The following NELL1 variants were observed in gnomAD, a reference collection of about 807,000 sequenced individuals.
NELL1 encodes the protein protein kinase C-binding protein NELL1.
Under a neutral mutation model 107.4 loss-of-function variants are expected in NELL1, and 76 were observed. The ratio of observed to expected loss-of-function variants is 0.71; its 90% CI spans 0.59 to 0.86. The LOEUF (loss-of-function observed/expected upper bound fraction) is 0.86, where lower values mean the gene tolerates loss of function less well. NELL1 is among the 40% of genes least tolerant of loss of function. The pLI, the probability that NELL1 is intolerant of heterozygous loss-of-function variation, is 0.00. For synonymous variants in NELL1, 353 were observed against 341.2 expected (o/e 1.03, Z -0.38); for missense variants, 1,024 against 1,005.5 (o/e 1.02, Z -0.25).
At chr11:20,831,069 G>A (rs1027868036) in intron 3 of NELL1, among the ~76,000 whole-genome samples, 5 of 152,126 alleles carry the variant, frequency 3.3e-5, no homozygotes, top group East Asian at 3.9e-4. Flanking sequence ...GAAAGTTTGC[G>A]TCACTGTTTC....
intron 12 of NELL1, among the ~76,000 whole-genome samples, chr11:20,962,220 A>G (rs915765302): frequency 1.3e-5 from 2 of 151,946 alleles, no homozygotes; most frequent in African/African-American, 4.8e-5. Flanking sequence ...CAATTTCAAT[A>G]CTTCATATTA....
intron 16 of NELL1, among the ~76,000 whole-genome samples, chr11:21,558,302 AT>A (rs1287680380): frequency 1.1e-4 from 16 of 151,924 alleles, no homozygotes; most frequent in African/African-American, 2.9e-4. Flanking sequence ...TTAAAAAAAA[AT>A]CAGTTGACAA....
chr11:20,779,511 C>G (rs1261464689), intron 2 of NELL1, among the ~76,000 whole-genome samples: 2 of 152,178 alleles, frequency 1.3e-5, no homozygotes, highest in East Asian at 3.9e-4. Flanking sequence ...ACAGCAAATA[C>G]ATACTGTAGT....
chr11:21,312,074 A>G (rs1849761865), intron 14 of NELL1, among the ~76,000 whole-genome samples: 1 of 152,074 alleles, frequency 6.6e-6, no homozygotes, highest in South Asian at 2.1e-4. Flanking sequence ...ATCTGCCAGC[A>G]CCTTGATTTT....
Position 21,224,428 on chromosome 11 carries a change from A to G in NELL1, c.1427-4904A>G, listed in dbSNP as rs537786102. ...TTTTTGGTAGATATGGCACATCACC[A>G]TCTTCCTCACTCTGGTCTCAAACTC... is the stretch of plus-strand genomic sequence containing the variant. On this transcript the variant is annotated intron_variant, in intron 13 of 19. Coordinates refer to ENST00000357134, the MANE Select transcript of NELL1 (RefSeq NM_006157.5). 1.7e-4 allele frequency among the ~76,000 whole-genome samples: 26 copies of G among 149,576 alleles called. No individual in the cohort carries two copies. The East Asian group carries it at 3.6e-3, about 21-fold the overall frequency.
intron 5 of NELL1, among the ~76,000 whole-genome samples, chr11:20,895,425 GCTCT>G (rs1465368384): frequency 3.4e-5 from 5 of 146,016 alleles, no homozygotes; most frequent in Admixed American, 6.9e-5. Context: ...CTGTCTTTCC[GCTCT>G]CTATCTTTCC....
intron 15 of NELL1, among the ~76,000 whole-genome samples, chr11:21,445,207 C>T (rs1488051878): frequency 2.0e-5 from 3 of 152,178 alleles, no homozygotes; most frequent in African/African-American, 7.2e-5. Flanking sequence ...GTAGTTTACA[C>T]ACCACAATAG....
intron 2 of NELL1, among the ~76,000 whole-genome samples, chr11:20,781,081 AAGG>A (rs1003506561): frequency 6.6e-6 from 1 of 152,174 alleles, no homozygotes; most frequent in Non-Finnish European, 1.5e-5. Flanking sequence ...TGGAAGCAGG[AAGG>A]AGATCATTGG....
chr11:21,064,216 A>G (rs1853813566), intron 12 of NELL1, among the ~76,000 whole-genome samples: 1 of 152,142 alleles, frequency 6.6e-6, no homozygotes, highest in South Asian at 2.1e-4. Flanking sequence ...CTCATAGGCC[A>G]TTGTGTAGTC....
intron 15 of NELL1, among the ~76,000 whole-genome samples, chr11:21,510,955 T>C (rs56240143): frequency 0.15 from 22,239 of 152,230 alleles, 1,701 homozygotes; most frequent in Admixed American, 0.17. Context: ...ATTATCAATG[T>C]TAAAATCTCA....
At chr11:20,692,377 T>C (rs1048514644) in intron 2 of NELL1, among the ~76,000 whole-genome samples, 8 of 152,136 alleles carry the variant, frequency 5.3e-5, no homozygotes, top group Admixed American at 4.6e-4. Flanking sequence ...ATTGTGATGT[T>C]AGGGTGTCAA....
At chr11:20,710,603 A>C (rs183605258) in intron 2 of NELL1, among the ~76,000 whole-genome samples, 1 of 152,234 alleles carries the variant, frequency 6.6e-6, no homozygotes, top group East Asian at 1.9e-4. Flanking sequence ...TAGTTTTAGT[A>C]AGATTAATAT....
chr11:21,224,050 C>A (rs1590748461), intron 13 of NELL1, among the ~76,000 whole-genome samples: 2 of 152,086 alleles, frequency 1.3e-5, no homozygotes, highest in African/African-American at 4.8e-5. Flanking sequence ...ATGGCATATC[C>A]TTATATGTGA....
At chr11:21,395,381 A>G (rs1851958795) in intron 15 of NELL1, among the ~76,000 whole-genome samples, 2 of 151,688 alleles carry the variant, frequency 1.3e-5, no homozygotes, top group South Asian at 4.1e-4. Flanking sequence ...AAAGTCAAGT[A>G]TCCCTTCTGG....
chr11:21,147,689 A>G (rs1430503665), intron 13 of NELL1, among the ~76,000 whole-genome samples: 2 of 151,800 alleles, frequency 1.3e-5, no homozygotes, highest in Non-Finnish European at 2.9e-5. Context: ...ATACAAAATT[A>G]GCCGGGTGTG....
At chr11:21,223,651 TCTC>T (rs1857818342) in intron 13 of NELL1, among the ~76,000 whole-genome samples, 1 of 152,192 alleles carries the variant, frequency 6.6e-6, no homozygotes, top group Admixed American at 6.5e-5. Context: ...CCTTTCTTCT[TCTC>T]TTATTGTTTA....
At chr11:21,469,050 G>A (rs564623403) in intron 15 of NELL1, among the ~76,000 whole-genome samples, 1 of 151,742 alleles carries the variant, frequency 6.6e-6, no homozygotes, top group South Asian at 2.1e-4. Context: ...ATTCATCCAT[G>A]AGCAAGAAGA....
At chr11:20,855,585 G>A (rs143446029) in intron 4 of NELL1, among the ~76,000 whole-genome samples, 194 of 152,070 alleles carry the variant, frequency 1.3e-3, no homozygotes, top group African/African-American at 4.4e-3. Flanking sequence ...GAATGGAGGG[G>A]GAAAATAGGC....
intron 13 of NELL1, among the ~76,000 whole-genome samples, chr11:21,140,355 A>C (rs963113483): frequency 6.6e-6 from 1 of 152,236 alleles, no homozygotes; most frequent in Non-Finnish European, 1.5e-5. Flanking sequence ...TGTATATTAC[A>C]ATCATGTGCT....
Sources: gnomAD v4.1 joint callset for allele counts (sites outside exome capture counted in the v4.1 genomes callset) on GRCh38, gnomAD v4.1.1 for gene constraint, MANE v1.5 for transcripts, NCBI Gene and HGNC (gene_info 2026-07-23, HGNC 2026-07-21) for gene names.